Variants in PPP2R2C observed in about 807,000 individuals in gnomAD.
PPP2R2C encodes protein phosphatase 2, regulatory subunit B, gamma.
PPP2R2C carries 10 observed loss-of-function variants against 45.3 expected under a neutral mutation model. The observed-to-expected ratio is 0.22, with a 90% confidence interval of 0.14 to 0.37. PPP2R2C has a LOEUF of 0.37. PPP2R2C is among the 10% of genes least tolerant of loss of function. PPP2R2C has a pLI of 1.00. For missense variants in PPP2R2C, 308 were observed against 619.7 expected (o/e 0.50, Z 5.34); for synonymous variants, 257 against 245.4 (o/e 1.05, Z -0.44).
rs1731818590 is a variant in PPP2R2C, at chr4:6,324,758, T to C, written c.1053-1165A>G. ...CCTAAGGAGAAGGGGTTCCTGCCGG[T>C]GGGAGGAAGGGTAAGTTCATCCACA... On this transcript the variant is annotated intron_variant, in intron 8 of 8. Coordinates refer to ENST00000382599, the MANE Select transcript of PPP2R2C (RefSeq NM_020416.4). The surrounding 1 kb of genome is among the most constrained non-coding windows in gnomAD (Gnocchi z 4.1). Among the ~76,000 whole-genome samples, 1 of 152,088 alleles carries C rather than the reference T, an allele frequency of 6.6e-6. No homozygotes were observed. The highest frequency in any genetic ancestry group is 2.4e-5 in the African/African-American group (1 of 41,424).
rs6837213 is a variant in PPP2R2C at position 6,331,051 on chromosome 4, T to G, written c.961-1698A>C. ...TGTTGGGCACAGGGTACTGGCTCAG[T>G]ATGTGTAACAACTAAAATCAAGGGG... On this transcript the variant is annotated intron_variant, in intron 7 of 8. Coordinates refer to ENST00000382599, the MANE Select transcript of PPP2R2C (RefSeq NM_020416.4). The surrounding 1 kb of genome is among the most constrained non-coding windows in gnomAD (Gnocchi z 5.9). 0.43 allele frequency among the ~76,000 whole-genome samples: 64,997 copies of G among 151,956 alleles called. 16,007 individuals carry two copies. Among genetic ancestry groups the G allele is most frequent in the African/African-American group, 0.69 (28,428 of 41,422 alleles).
At chr4:6,355,613 G>A (rs1270585697) in intron 5 of PPP2R2C, among the ~76,000 whole-genome samples, 9 of 151,524 alleles carry the variant, frequency 5.9e-5, no homozygotes, top group African/African-American at 1.9e-4. Flanking sequence ...TTTTTTAGGA[G>A]TGGATCGTCA....
At chr4:6,414,164 T>C in intron 1 of PPP2R2C, 1 of 1,053,934 alleles carries the variant, frequency 9.5e-7, no homozygotes, top group Non-Finnish European at 1.3e-6. Context: ...TACGGCCTAG[T>C]ATGCCTTTTT....
In PPP2R2C at chr4:6,416,214, G is replaced by A. The variant is rs187957706; in HGVS notation, c.71-35120C>T. Among the ~76,000 whole-genome samples, 165 of 87,184 alleles carry A rather than the reference G, an allele frequency of 1.9e-3. 2 individuals carry two copies. Among genetic ancestry groups the A allele is most frequent in the African/African-American group, 4.9e-3 (130 of 26,452 alleles). The allele number at this position is 87,184 out of a possible 152,430, so 57.2% of individuals were successfully genotyped here. ...ACAAGGATATGACAATCGGCTACCC[G>A]TGTGCCCAGCCCTGGGGTGGCTTCC... On this transcript the variant is annotated intron_variant, in intron 1 of 8. Transcript: ENST00000382599.
Position 6,362,492 on chromosome 4 carries a change from G to A in PPP2R2C, c.625+10031C>T, listed in dbSNP as rs188934743. 1.2e-3 allele frequency among the ~76,000 whole-genome samples: 181 copies of A among 152,328 alleles called. 2 individuals are homozygous for A. The East Asian group carries it at 0.031, about 26-fold the overall frequency. ...ACAGCTACTGACAGCCATGCTCATA[G>A]CAAAACAACCTCCCATCTATCCTGC... On this transcript the variant is annotated intron_variant, in intron 5 of 8. Transcript: ENST00000382599.
At chr4:6,359,248 G>GA (rs1713512069) in intron 5 of PPP2R2C, among the ~76,000 whole-genome samples, 1 of 152,330 alleles carries the variant, frequency 6.6e-6, no homozygotes, top group East Asian at 1.9e-4. Flanking sequence ...TCCAAGGACA[G>GA]AAAATCAAAC....
intron 1 of PPP2R2C, among the ~76,000 whole-genome samples, chr4:6,427,605 C>A (rs1050198365): frequency 1.3e-5 from 2 of 152,224 alleles, no homozygotes; most frequent in African/African-American, 4.8e-5. Context: ...GTGGCTCCTT[C>A]CCCTGTGAGC....
rs142516119 is a variant in PPP2R2C at position 6,402,808 on chromosome 4, T to A, written c.71-21714A>T. Among the ~76,000 whole-genome samples, 296 of 152,306 alleles carry A rather than the reference T, an allele frequency of 1.9e-3. 6 individuals carry two copies. Among genetic ancestry groups the A allele is most frequent in the East Asian group, 5.0e-3 (26 of 5,178 alleles). The stretch of plus-strand genomic sequence containing the variant: ...GCAGAGACACTGCTAGTGGGAGGCA[T>A]TCAGGTGAGAGGGGCATGCATGCGC... On this transcript the variant is annotated intron_variant, in intron 1 of 8. Coordinates refer to ENST00000382599, the MANE Select transcript of PPP2R2C (RefSeq NM_020416.4).
intron 1 of PPP2R2C, among the ~76,000 whole-genome samples, chr4:6,417,776 G>A (rs944935130): frequency 6.6e-6 from 1 of 152,224 alleles, no homozygotes; most frequent in Non-Finnish European, 1.5e-5. Flanking sequence ...TGCGTGGGGG[G>A]CATGGTCACT....
chr4:6,326,517 C>T (rs1425441426), intron 8 of PPP2R2C, among the ~76,000 whole-genome samples: 1 of 152,156 alleles, frequency 6.6e-6, no homozygotes, highest in Non-Finnish European at 1.5e-5. Context: ...GGGATTCCTC[C>T]GGGTAGGTAA....
intron 2 of PPP2R2C, among the ~76,000 whole-genome samples, chr4:6,532,469 A>C (rs1724436021): frequency 6.6e-6 from 1 of 152,176 alleles, no homozygotes; most frequent in South Asian, 2.1e-4. Flanking sequence ...CAAACACAGA[A>C]ACAAAGGGGC....
intron 2 of PPP2R2C, among the ~76,000 whole-genome samples, chr4:6,487,388 A>G (rs1722561768): frequency 6.6e-6 from 1 of 151,648 alleles, no homozygotes; most frequent in Non-Finnish European, 1.5e-5. Flanking sequence ...TTCTTGTACT[A>G]CAGGCCTGCT....
At chr4:6,550,178 C>T (rs931961669) in intron 1 of PPP2R2C, among the ~76,000 whole-genome samples, 1 of 152,140 alleles carries the variant, frequency 6.6e-6, no homozygotes, top group Admixed American at 6.5e-5. Flanking sequence ...CCCCGTCCCC[C>T]ACTGGTGGAA....
chr4:6,521,584 G>A (rs1048249780), intron 2 of PPP2R2C, among the ~76,000 whole-genome samples: 13 of 152,142 alleles, frequency 8.5e-5, no homozygotes, highest in African/African-American at 1.4e-4. Context: ...CTTAGGAGTC[G>A]TCTCAGGAGC....
chr4:6,328,417 G>A lies in PPP2R2C; in HGVS notation c.1052+845C>T, dbSNP rs971173771. On this transcript the variant is annotated intron_variant, in intron 8 of 8. Coordinates refer to ENST00000382599, the MANE Select transcript of PPP2R2C (RefSeq NM_020416.4). This position sits in a 1 kb window ranked among gnomAD's most constrained non-coding sequence, Gnocchi z 4.4. ...AGGCCACCTCTCAGCTTCTGAGATC[G>A]AAACTCACAGATGGAGAGTAGGCTT... 1.3e-5 allele frequency among the ~76,000 whole-genome samples: 2 copies of A among 152,320 alleles called. No individual in the cohort carries two copies. The highest frequency in any genetic ancestry group is 2.1e-4 in the South Asian group (1 of 4,828).
At position 6,528,195 on chromosome 4, in the gene PPP2R2C, C is replaced by T. The variant is rs1033304722; in HGVS notation, c.49+7076G>A. Among the ~76,000 whole-genome samples, 7 of 152,386 alleles carry T rather than the reference C, an allele frequency of 4.6e-5. 1 individual carries two copies. Among genetic ancestry groups the T allele is most frequent in the Admixed American group, 3.9e-4 (6 of 15,312 alleles). ...AGTCCTCGGCCCCTGCCCGGGCAAA[C>T]ATCTCTTCCTCTTCCCGGCCTGCAA... On this transcript the variant is annotated intron_variant, in intron 2 of 9. Transcript: ENST00000506140.
intron 2 of PPP2R2C, among the ~76,000 whole-genome samples, chr4:6,517,985 GA>G (rs1242177247): frequency 6.6e-6 from 1 of 152,142 alleles, no homozygotes; most frequent in African/African-American, 2.4e-5. Flanking sequence ...ATGCAAAGCG[GA>G]AAAAGAAGCA....
intron 1 of PPP2R2C, among the ~76,000 whole-genome samples, chr4:6,402,207 C>T (rs1717463682): frequency 6.6e-6 from 1 of 152,222 alleles, no homozygotes. Flanking sequence ...GGTCACAGAG[C>T]AGGTAAGTGG....
intron 1 of PPP2R2C, among the ~76,000 whole-genome samples, chr4:6,387,478 G>T (rs1716293336): frequency 6.6e-6 from 1 of 152,142 alleles, no homozygotes; most frequent in African/African-American, 2.4e-5. Context: ...TTAAAACCTG[G>T]AAACCCAGAA....
Sources: gnomAD v4.1 joint callset for allele counts (sites outside exome capture counted in the v4.1 genomes callset) on GRCh38, gnomAD v4.1.1 for gene constraint, Gnocchi (gnomAD v3.1) non-coding constraint, MANE v1.5 for transcripts, NCBI Gene and HGNC (gene_info 2026-07-23, HGNC 2026-07-21) for gene names.